BCAS4: variants seen among roughly 807,000 people sequenced by gnomAD.
BCAS4 encodes breast carcinoma-amplified sequence 4.
BCAS4 carries 9 observed loss-of-function variants against 15.7 expected under a neutral mutation model. That is an observed-to-expected ratio of 0.57 (90% CI 0.34 to 1.00). BCAS4 has a LOEUF of 1.00. BCAS4 is among the 50% of genes least tolerant of loss of function. BCAS4 has a pLI of 0.02. For synonymous variants in BCAS4, 101 were observed against 99.5 expected, an observed-to-expected ratio of 1.02 and a Z score of -0.09; for missense variants, 225 against 239.1, an observed-to-expected ratio of 0.94 and a Z score of 0.39.
chr20:50,876,095 T>TA, intron 4 of BCAS4: 1 of 448,862 alleles, frequency 2.2e-6, no homozygotes, highest in Middle Eastern at 5.2e-4. Context: ...GGATTACAGG[T>TA]GCGCGCTACC....
intron 2 of BCAS4, among the ~76,000 whole-genome samples, chr20:50,829,930 T>C (rs1175803413): frequency 6.6e-6 from 1 of 152,232 alleles, no homozygotes; most frequent in African/African-American, 2.4e-5. Context: ...AAAACTGGAC[T>C]GACTTTGACT....
chr20:50,837,990 A>G (rs1164757821), intron 3 of BCAS4, among the ~76,000 whole-genome samples: 2 of 134,810 alleles, frequency 1.5e-5, no homozygotes, highest in African/African-American at 6.3e-5. Flanking sequence ...ACACGCACAC[A>G]TCTGCACATA....
chr20:50,825,413 G>A (rs1401759449), intron 2 of BCAS4, among the ~76,000 whole-genome samples: 1 of 152,284 alleles, frequency 6.6e-6, no homozygotes, highest in Non-Finnish European at 1.5e-5. Flanking sequence ...CCAGCCCAGG[G>A]TGGAACCAAG....
intron 4 of BCAS4, 147 bp from the exon 5 acceptor site, chr20:50,876,335 TTTGG>T: frequency 9.8e-7 from 1 of 1,018,876 alleles, no homozygotes; most frequent in Non-Finnish European, 1.3e-6. Context: ...GGTGGCCGGC[TTTGG>T]CTGTCACAGG....
At chr20:50,814,844 A>G (rs1334315415) in intron 1 of BCAS4, among the ~76,000 whole-genome samples, 1 of 152,186 alleles carries the variant, frequency 6.6e-6, no homozygotes, top group Non-Finnish European at 1.5e-5. Context: ...GCAGTGGCTC[A>G]TGCCTATAAT....
At chr20:50,862,507 G>T (rs755566495) in intron 4 of BCAS4, among the ~76,000 whole-genome samples, 1 of 152,118 alleles carries the variant, frequency 6.6e-6, no homozygotes, top group Non-Finnish European at 1.5e-5. Flanking sequence ...GTGCAGGCCC[G>T]GCAGTGCTGC....
chr20:50,810,585 T>TTTG (rs2088048114), intron 1 of BCAS4, among the ~76,000 whole-genome samples: 1 of 142,376 alleles, frequency 7.0e-6, no homozygotes, highest in African/African-American at 2.8e-5. Flanking sequence ...GTTATTTTTT[T>TTTG]TGTGTTTTTT....
chr20:50,795,552 G>GGGCAGCCCCGA (rs150892114), intron 1 of BCAS4, among the ~76,000 whole-genome samples: 35,679 of 152,072 alleles, frequency 0.23, 4,354 homozygotes, highest in African/African-American at 0.3. Context: ...GCGGCTGTGC[G>GGGCAGCCCCGA]GGCCGCGCTG....
At chr20:50,818,132 TAAAA>T in intron 1 of BCAS4, 75 bp from the exon 2 acceptor site, 18 of 1,198,712 alleles carry the variant, frequency 1.5e-5, no homozygotes, top group South Asian at 4.1e-5. Context: ...TAGTTTGCTT[TAAAA>T]AAAAAAAAAA....
intron 2 of BCAS4, among the ~76,000 whole-genome samples, chr20:50,826,429 A>G (rs1273151724): frequency 6.6e-6 from 1 of 152,248 alleles, no homozygotes; most frequent in Admixed American, 6.5e-5. Context: ...TGCTGACTTA[A>G]GAGAAGCTGT....
intron 4 of BCAS4, among the ~76,000 whole-genome samples, chr20:50,875,602 T>TAAAAAAAAA (rs3971637): frequency 9.9e-6 from 1 of 100,558 alleles, no homozygotes; most frequent in Non-Finnish European, 2.1e-5. Flanking sequence ...TCATCTCTAC[T>TAAAAAAAAA]AAAAAAAAAA....
rs1320933890 is a variant in BCAS4 at position 50,818,582 on chromosome 20, C to T, written c.162+300C>T. Among the ~76,000 whole-genome samples, 7 of 152,180 alleles carry T rather than the reference C, an allele frequency of 4.6e-5. 1 individual carries two copies. The highest frequency in any genetic ancestry group is 2.6e-4 in the Admixed American group (4 of 15,268). On this transcript the variant is annotated intron_variant, in intron 2 of 4. Coordinates refer to ENST00000371608, the MANE Select transcript of BCAS4 (RefSeq NM_198799.4). Reference sequence around the variant, plus strand: ...ACCACAAGGTGGCACTCTCGGGCACCGATGCAGGGAGCCGTTCAGCGGGGA... The same window carrying T: ...ACCACAAGGTGGCACTCTCGGGCACTGATGCAGGGAGCCGTTCAGCGGGGA...
intron 4 of BCAS4, among the ~76,000 whole-genome samples, chr20:50,845,798 G>A (rs917594852): frequency 6.6e-6 from 1 of 152,254 alleles, no homozygotes; most frequent in Non-Finnish European, 1.5e-5. Flanking sequence ...CAAGGATATT[G>A]GGTGGCCCCA....
intron 1 of BCAS4, among the ~76,000 whole-genome samples, chr20:50,812,580 C>T (rs2088084560): frequency 6.6e-6 from 1 of 151,996 alleles, no homozygotes; most frequent in Non-Finnish European, 1.5e-5. Context: ...GCTGAGACTA[C>T]AGGCTTGTGC....
intron 1 of BCAS4, among the ~76,000 whole-genome samples, chr20:50,813,188 G>C (rs948935768): frequency 2.6e-5 from 4 of 152,148 alleles, no homozygotes; most frequent in Non-Finnish European, 4.4e-5. Context: ...GGAGATGCTG[G>C]ACTGGTTTTC....
At chr20:50,855,352 C>T (rs890356980) in intron 4 of BCAS4, among the ~76,000 whole-genome samples, 1 of 152,144 alleles carries the variant, frequency 6.6e-6, no homozygotes, top group South Asian at 2.1e-4. Context: ...GTCTCTGCGT[C>T]TCTCCATGTG....
chr20:50,822,658 C>T (rs2123781253), intron 2 of BCAS4, among the ~76,000 whole-genome samples: 1 of 147,024 alleles, frequency 6.8e-6, no homozygotes, highest in Middle Eastern at 3.5e-3. Flanking sequence ...TTTTTGGAGA[C>T]ACAGTCTCAC....
chr20:50,873,244 G>C (rs1315014947), intron 4 of BCAS4, among the ~76,000 whole-genome samples: 1 of 152,190 alleles, frequency 6.6e-6, no homozygotes, highest in Non-Finnish European at 1.5e-5. Flanking sequence ...CTCCTTGAGG[G>C]AGGAGACAGA....
At chr20:50,868,044 C>G (rs80307567) in intron 4 of BCAS4, among the ~76,000 whole-genome samples, 128 of 152,308 alleles carry the variant, frequency 8.4e-4, no homozygotes, top group African/African-American at 3.1e-3. Flanking sequence ...GTATTTTGAA[C>G]AATACCCTTT....
Sources: gnomAD v4.1 joint callset for allele counts (sites outside exome capture counted in the v4.1 genomes callset) on GRCh38, gnomAD v4.1.1 for gene constraint, MANE v1.5 for transcripts, NCBI Gene and HGNC (gene_info 2026-07-23, HGNC 2026-07-21) for gene names.